SHROOM4: variants seen among roughly 807,000 people sequenced by gnomAD.
SHROOM4 encodes protein Shroom4.
SHROOM4 carries 17 observed loss-of-function variants against 80.3 expected under a neutral mutation model. The ratio of observed to expected loss-of-function variants is 0.21; its 90% CI spans 0.14 to 0.32. The LOEUF (loss-of-function observed/expected upper bound fraction) is 0.32. Among genes scored for constraint, SHROOM4 ranks in the 10% least tolerant of loss-of-function variants. SHROOM4 has a pLI of 1.00. For missense variants in SHROOM4, 993 were observed against 1,140.3 expected, an observed-to-expected ratio of 0.87 and a Z score of 1.86; for synonymous variants, 400 against 437.5, an observed-to-expected ratio of 0.91 and a Z score of 1.07.
At chrX:50,808,397 T>C (rs1936270199) in intron 1 of SHROOM4, among the ~76,000 whole-genome samples, 1 of 111,851 alleles carries the variant, frequency 8.9e-6, no homozygotes, top group Admixed American at 9.5e-5. Flanking sequence ...AGGAGGCTCA[T>C]GAAATGGTTA....
chrX:50,615,917 T>G (rs1374116638), intron 5 of SHROOM4, among the ~76,000 whole-genome samples: 1 of 112,597 alleles, frequency 8.9e-6, no homozygotes, highest in Non-Finnish European at 1.9e-5. Context: ...TGCTCAACCT[T>G]ATCAAGCTTC....
intron 5 of SHROOM4, among the ~76,000 whole-genome samples, chrX:50,622,074 C>T (rs1482822718): frequency 8.9e-6 from 1 of 112,078 alleles, no homozygotes; most frequent in Non-Finnish European, 1.9e-5. Context: ...AACAGTAATG[C>T]TCTCACGGGG....
At chrX:50,642,218 GA>G (rs1557257283) in intron 2 of SHROOM4, among the ~76,000 whole-genome samples, 1 of 112,249 alleles carries the variant, frequency 8.9e-6, no homozygotes, top group Non-Finnish European at 1.9e-5. Flanking sequence ...GCGAGTTGCA[GA>G]TTTTTTATCT....
At chrX:50,786,081 C>T (rs1935734024) in intron 1 of SHROOM4, among the ~76,000 whole-genome samples, 1 of 111,502 alleles carries the variant, frequency 9.0e-6, no homozygotes, top group African/African-American at 3.3e-5. Flanking sequence ...ACATTAAAGC[C>T]AGCAGGGAAA....
At chrX:50,681,637 C>A (rs1342952675) in intron 2 of SHROOM4, among the ~76,000 whole-genome samples, 1 of 112,036 alleles carries the variant, frequency 8.9e-6, no homozygotes, top group Non-Finnish European at 1.9e-5. Flanking sequence ...ATTTTATATG[C>A]CTTTGCATTG....
chrX:50,812,685 GGT>G (rs1472175662), intron 1 of SHROOM4, among the ~76,000 whole-genome samples: 1 of 111,220 alleles, frequency 9.0e-6, no homozygotes, highest in African/African-American at 3.3e-5. Flanking sequence ...GGTTATTGTG[GGT>G]GTGTGTTGCG....
chrX:50,674,921 C>T (rs1335183268), intron 2 of SHROOM4, among the ~76,000 whole-genome samples: 2 of 111,626 alleles, frequency 1.8e-5, no homozygotes, highest in Non-Finnish European at 3.8e-5. Flanking sequence ...GCACAGAGGA[C>T]GGAGCTCTCC....
Position 50,693,833 on chromosome X carries a change from A to C in SHROOM4, c.269+1953T>G, listed in dbSNP as rs181269762. Among the ~76,000 whole-genome samples, 11 of 110,607 alleles carry C rather than the reference A, an allele frequency of 9.9e-5. No individual in the cohort carries two copies. The South Asian group carries it at 2.3e-3, about 24-fold the overall frequency. ...TTGAACACTAGATCTTATTCATTCT[A>C]TCTAACTGTATTTTTATACCCATCA... On this transcript the variant is annotated intron_variant, in intron 2 of 8. Coordinates refer to ENST00000376020, the MANE Select transcript of SHROOM4 (RefSeq NM_020717.5).
intron 7 of SHROOM4, among the ~76,000 whole-genome samples, chrX:50,601,174 T>C (rs1929381118): frequency 8.9e-6 from 1 of 112,102 alleles, no homozygotes; most frequent in Non-Finnish European, 1.9e-5. Flanking sequence ...CTCACCTTTC[T>C]TCCTCAGAGA....
chrX:50,702,709 T>C (rs1393489825), intron 1 of SHROOM4, among the ~76,000 whole-genome samples: 1 of 112,114 alleles, frequency 8.9e-6, no homozygotes, highest in Non-Finnish European at 1.9e-5. Context: ...CTGCAGATCA[T>C]ATGGGAATAT....
At chrX:50,580,555 G>A in the SHROOM4 span, among the ~76,000 whole-genome samples, 1 of 111,946 alleles carries the variant, frequency 8.9e-6, no homozygotes, top group Non-Finnish European at 1.9e-5. Context: ...CTTTATCCTG[G>A]ACAAGGTAAC....
chrX:50,734,908 C>T (rs1202677174), intron 1 of SHROOM4, among the ~76,000 whole-genome samples: 1 of 110,283 alleles, frequency 9.1e-6, no homozygotes, highest in African/African-American at 3.3e-5. Flanking sequence ...CCACCCCCGC[C>T]GCCAGGTAAG....
intron 1 of SHROOM4, among the ~76,000 whole-genome samples, chrX:50,806,371 T>G (rs1164896325): frequency 8.9e-6 from 1 of 112,137 alleles, no homozygotes; most frequent in Non-Finnish European, 1.9e-5. Context: ...GTGGCCAGGA[T>G]GGCTATCTGA....
intron 1 of SHROOM4, among the ~76,000 whole-genome samples, chrX:50,723,784 T>C (rs1557265682): frequency 9.0e-6 from 1 of 111,466 alleles, no homozygotes; most frequent in Admixed American, 9.5e-5. Context: ...CTTCCCTCCG[T>C]AACTGTTGTG....
chrX:50,715,866 A>C (rs1933937150), intron 1 of SHROOM4, among the ~76,000 whole-genome samples: 1 of 92,260 alleles, frequency 1.1e-5, no homozygotes, highest in African/African-American at 4.8e-5. Flanking sequence ...TATATATTCC[A>C]AAAAAAAAAA....
rs1931232583 is a variant in SHROOM4, at chrX:50,634,429, A to G, written c.1644T>C (p.Ser548=). 8.3e-7 allele frequency: 1 copy of G among 1,209,393 alleles called. No homozygotes were observed. Among genetic ancestry groups the G allele is most frequent in the South Asian group, 1.8e-5 (1 of 56,668 alleles). The change falls in exon 4 of 9, where the codon AGT becomes AGC. Residue 548 remains serine (S), a synonymous_variant. Coordinates refer to ENST00000376020, the MANE Select transcript of SHROOM4 (RefSeq NM_020717.5). ...CCCCTTCTTCACCTGCCTCTGTGCCACTAGCTGCTTTAGTGGTTGAAGAAC... is the reference window on the plus strand; with the variant it reads ...CCCCTTCTTCACCTGCCTCTGTGCCGCTAGCTGCTTTAGTGGTTGAAGAAC... The part of the protein sequence containing the change: ...TDCSSTTKAA[S]GTEAGEEGDS...
At chrX:50,687,005 A>G (rs1933090155) in intron 2 of SHROOM4, 1 of 112,334 alleles carries the variant, frequency 8.9e-6, no homozygotes. Context: ...GAATAATTGA[A>G]TCTCAAGAAT....
intron 1 of SHROOM4, among the ~76,000 whole-genome samples, chrX:50,718,171 G>A (rs1239220412): frequency 8.9e-6 from 1 of 111,855 alleles, no homozygotes; most frequent in Non-Finnish European, 1.9e-5. Flanking sequence ...ACTCTCAAAG[G>A]GTTCCCAGTA....
At chrX:50,782,823 A>G (rs1935658138) in intron 1 of SHROOM4, among the ~76,000 whole-genome samples, 1 of 111,948 alleles carries the variant, frequency 8.9e-6, no homozygotes, top group African/African-American at 3.2e-5. Flanking sequence ...TCATGGAAGC[A>G]AAGAATAGAA....
Sources: gnomAD v4.1 joint callset for allele counts (sites outside exome capture counted in the v4.1 genomes callset) on GRCh38, gnomAD v4.1.1 for gene constraint, MANE v1.5 for transcripts, NCBI Gene and HGNC (gene_info 2026-07-23, HGNC 2026-07-21) for gene names.